The following SLC24A2 variants were observed in gnomAD, a reference collection of about 807,000 sequenced individuals.
The protein encoded by SLC24A2 is solute carrier family 24 member 2.
SLC24A2 carries 36 observed loss-of-function variants against 62.0 expected under a neutral mutation model. That is an observed-to-expected ratio of 0.58 (90% CI 0.44 to 0.77). The LOEUF is 0.77. SLC24A2 is among the 30% of genes least tolerant of loss of function. SLC24A2 has a pLI of 0.00. For missense variants in SLC24A2, 846 were observed against 817.9 expected, an observed-to-expected ratio of 1.03 and a Z score of -0.42; for synonymous variants, 358 against 294.0, an observed-to-expected ratio of 1.22 and a Z score of -2.23.
chr9:20,124,915 CAT>C, the SLC24A2 span, among the ~76,000 whole-genome samples: 4 of 152,166 alleles, frequency 2.6e-5, no homozygotes, highest in Non-Finnish European at 5.9e-5. Context: ...ATAAAACAAA[CAT>C]ATGCTGAACA....
the SLC24A2 span, among the ~76,000 whole-genome samples, chr9:20,288,413 G>C: frequency 6.6e-6 from 1 of 152,060 alleles, no homozygotes; most frequent in Admixed American, 6.6e-5. Context: ...AGTGCATGCC[G>C]GGGGTGCGGG....
intron 2 of SLC24A2, among the ~76,000 whole-genome samples, chr9:19,729,872 A>ACATTAC (rs1438553877): frequency 1.3e-5 from 2 of 152,146 alleles, no homozygotes; most frequent in East Asian, 3.8e-4. Flanking sequence ...AGGATATTAG[A>ACATTAC]CATTACCAAC....
At chr9:19,588,787 C>T (rs1836453993) in intron 5 of SLC24A2, among the ~76,000 whole-genome samples, 2 of 152,122 alleles carry the variant, frequency 1.3e-5, no homozygotes, top group African/African-American at 2.4e-5. Flanking sequence ...ACGGTGAAAC[C>T]CCGTCTCTAC....
At chr9:20,111,160 T>C in the SLC24A2 span, among the ~76,000 whole-genome samples, 2 of 152,202 alleles carry the variant, frequency 1.3e-5, no homozygotes, top group Non-Finnish European at 2.9e-5. Flanking sequence ...CCTGGTTCCC[T>C]TGCCCTACTG....
At chr9:19,826,342 G>A in the SLC24A2 span, among the ~76,000 whole-genome samples, 1 of 152,078 alleles carries the variant, frequency 6.6e-6, no homozygotes, top group Non-Finnish European at 1.5e-5. Flanking sequence ...GAGTGAATGG[G>A]ATATCCAAGT....
chr9:19,609,195 T>C (rs1837075337), intron 4 of SLC24A2, among the ~76,000 whole-genome samples: 1 of 152,254 alleles, frequency 6.6e-6, no homozygotes, highest in Non-Finnish European at 1.5e-5. Context: ...CTTACATGAA[T>C]GTGCGCTCTC....
At chr9:20,013,068 G>C in the SLC24A2 span, among the ~76,000 whole-genome samples, 1 of 152,008 alleles carries the variant, frequency 6.6e-6, no homozygotes, top group South Asian at 2.1e-4. Context: ...AAATCCATTT[G>C]AAACCACAAA....
At chr9:19,754,600 G>T (rs1424809139) in intron 2 of SLC24A2, among the ~76,000 whole-genome samples, 1 of 152,018 alleles carries the variant, frequency 6.6e-6, no homozygotes, top group Admixed American at 6.6e-5. Flanking sequence ...GTGAAAGTCA[G>T]GTTAGAGGCT....
the SLC24A2 span, among the ~76,000 whole-genome samples, chr9:19,982,854 G>A: frequency 6.6e-6 from 1 of 152,156 alleles, no homozygotes; most frequent in African/African-American, 2.4e-5. Context: ...TTCCAGGAAT[G>A]CAAGAATCAT....
chr9:19,653,720 C>A (rs115864531), intron 2 of SLC24A2, among the ~76,000 whole-genome samples: 102 of 152,272 alleles, frequency 6.7e-4, no homozygotes, highest in African/African-American at 2.3e-3. Flanking sequence ...TGGGCCCTGG[C>A]ACAATGCCTG....
chr9:19,556,680 T>A (rs1422047578), intron 7 of SLC24A2, among the ~76,000 whole-genome samples: 1 of 152,146 alleles, frequency 6.6e-6, no homozygotes, highest in Non-Finnish European at 1.5e-5. Flanking sequence ...CTCTTATCAT[T>A]GGGAAGCCTG....
At chr9:20,083,649 C>A in the SLC24A2 span, among the ~76,000 whole-genome samples, 1 of 152,170 alleles carries the variant, frequency 6.6e-6, no homozygotes, top group Non-Finnish European at 1.5e-5. Flanking sequence ...TTTATGATAA[C>A]ACAGTACCCA....
the SLC24A2 span, among the ~76,000 whole-genome samples, chr9:20,239,622 A>G: frequency 2.0e-5 from 3 of 152,222 alleles, no homozygotes; most frequent in Non-Finnish European, 4.4e-5. Flanking sequence ...GGAAAGGAGT[A>G]CATGAGAAGA....
chr9:20,296,451 C>G, the SLC24A2 span, among the ~76,000 whole-genome samples: 1 of 152,170 alleles, frequency 6.6e-6, no homozygotes, highest in Non-Finnish European at 1.5e-5. Flanking sequence ...AAAAAATGGA[C>G]ACCAAGAAAG....
intron 2 of SLC24A2, among the ~76,000 whole-genome samples, chr9:19,640,071 G>C (rs1818454139): frequency 1.3e-5 from 2 of 152,200 alleles, no homozygotes; most frequent in South Asian, 4.1e-4. Flanking sequence ...GGTTCTTTCA[G>C]TTGATAACCT....
chr9:20,181,317 A>G, the SLC24A2 span, among the ~76,000 whole-genome samples: 2 of 152,188 alleles, frequency 1.3e-5, no homozygotes, highest in African/African-American at 4.8e-5. Context: ...GATGTATTTT[A>G]AAGTCCACCA....
the SLC24A2 span, among the ~76,000 whole-genome samples, chr9:20,055,507 C>T: frequency 6.6e-6 from 1 of 152,066 alleles, no homozygotes; most frequent in East Asian, 1.9e-4. Context: ...TTATCTGTAA[C>T]TTTTAGATGA....
At chr9:20,245,751 A>G in the SLC24A2 span, among the ~76,000 whole-genome samples, 4 of 152,364 alleles carry the variant, frequency 2.6e-5, no homozygotes, top group South Asian at 2.1e-4. Context: ...GGTAAACTTA[A>G]CAACAAAGTT....
the SLC24A2 span, among the ~76,000 whole-genome samples, chr9:19,938,458 G>A: frequency 2.6e-5 from 4 of 152,042 alleles, no homozygotes; most frequent in African/African-American, 9.7e-5. Flanking sequence ...CTTTCAGTTT[G>A]AAAGAGAAAT....
Sources: gnomAD v4.1 joint callset for allele counts (sites outside exome capture counted in the v4.1 genomes callset) on GRCh38, gnomAD v4.1.1 for gene constraint, MANE v1.5 for transcripts, NCBI Gene and HGNC (gene_info 2026-07-23, HGNC 2026-07-21) for gene names.